The following PCDHGA6 variants were observed in gnomAD, a reference collection of about 807,000 sequenced individuals.
PCDHGA6 encodes protocadherin gamma-A6.
PCDHGA6 carries 41 observed loss-of-function variants against 60.6 expected under a neutral mutation model. That is an observed-to-expected ratio of 0.68 (90% CI 0.53 to 0.88). The LOEUF is 0.88. PCDHGA6 is among the 40% of genes least tolerant of loss of function. The probability of loss-of-function intolerance (pLI) is 0.00; values close to 1 mark genes in which losing one functional copy is unlikely to be tolerated. For missense variants in PCDHGA6, 1,312 were observed against 1,203.0 expected (o/e 1.09, Z -1.34); for synonymous variants, 594 against 524.4 (o/e 1.13, Z -1.81).
Position 141,374,568 on chromosome 5 carries a change from T to C in PCDHGA6, c.485T>C (p.Val162Ala), listed in dbSNP as rs778991888. Reference protein sequence around the residue: ...FPLMEVYDPDVGMNSLQGFKL... With the variant: ...FPLMEVYDPDAGMNSLQGFKL... ...CTAATGGAGGTCTATGACCCTGATG[T>C]GGGAATGAACTCCCTTCAGGGATTT... The change falls in exon 1 of 4, where the codon GTG (valine) becomes GCG (alanine). Residue 162 changes from valine (V) to alanine (A), a missense_variant. Transcript: ENST00000517434. The C allele has an allele frequency of 6.2e-7, 1 of 1,613,706 alleles. No homozygotes were observed. Among genetic ancestry groups the C allele is most frequent in the South Asian group, 1.1e-5 (1 of 91,090 alleles).
intron 1 of PCDHGA6, chr5:141,400,401 G>T (rs760681088): frequency 3.1e-6 from 5 of 1,613,936 alleles, no homozygotes; most frequent in Non-Finnish European, 4.2e-6. Context: ...CAGGAAAGAC[G>T]GAGTTTAATT....
At position 141,490,561 on chromosome 5, in the gene PCDHGA6, A is replaced by C. The variant is rs2099701634; in HGVS notation, c.2425-4246A>C. The stretch of plus-strand genomic sequence containing the variant: ...TTCCCTACACAAACATCTCACCATC[A>C]GGCTCAACATTTCAGATGTCAATGA... On this transcript the variant is annotated intron_variant, in intron 1 of 3. Transcript: ENST00000517434. The surrounding 1 kb of genome is among the most constrained non-coding windows in gnomAD (Gnocchi z 5.4). The C allele has an allele frequency of 1.2e-6, 2 of 1,614,090 alleles. No homozygotes were observed. The highest frequency in any genetic ancestry group is 1.7e-4 in the Middle Eastern group (1 of 6,060).
At chr5:141,403,699 TAA>T in intron 1 of PCDHGA6, 1 of 1,613,934 alleles carries the variant, frequency 6.2e-7, no homozygotes, top group East Asian at 2.2e-5. Context: ...TTTACCGAGT[TAA>T]AGTCCTTGAG....
chr5:141,508,741 C>G (rs2099871426), intron 3 of PCDHGA6, among the ~76,000 whole-genome samples: 1 of 152,042 alleles, frequency 6.6e-6, no homozygotes, highest in Non-Finnish European at 1.5e-5. Context: ...ACCCCCCACC[C>G]CGCTCTTTCT....
intron 1 of PCDHGA6, chr5:141,424,584 C>T (rs919265310): frequency 3.9e-5 from 6 of 152,082 alleles, no homozygotes; most frequent in African/African-American, 1.4e-4. Flanking sequence ...TTCAAATGTG[C>T]TAAAGATGTC....
intron 1 of PCDHGA6, chr5:141,402,800 C>T: frequency 1.9e-6 from 2 of 1,072,726 alleles, no homozygotes; most frequent in African/African-American, 1.6e-5. Flanking sequence ...ACACAAAACC[C>T]GGCAGATACC....
rs754268147 is a variant in PCDHGA6, at chr5:141,410,352, G to C, written c.2424+33845G>C. ...CTGGCCATTGCCTTGCGCCTGCGAC[G>C]CTCTCTCAGCCCTGCTACTTGGGAC... On this transcript the variant is annotated intron_variant, in intron 1 of 3. Coordinates refer to ENST00000517434, the MANE Select transcript of PCDHGA6 (RefSeq NM_018919.3). The C allele has an allele frequency of 6.2e-6, 10 of 1,614,022 alleles. No homozygotes were observed. In the South Asian group the frequency reaches 1.1e-4, roughly 18 times the overall value.
At chr5:141,376,643 A>G (rs1465583488) in intron 1 of PCDHGA6, 136 bp downstream of exon 1, 17 of 1,013,920 alleles carry the variant, frequency 1.7e-5, no homozygotes, top group Non-Finnish European at 2.4e-5. Context: ...GATTTTGTAA[A>G]GTGGAAGACT....
In PCDHGA6 at chr5:141,403,600, T is replaced by C. The variant is rs530169293; in HGVS notation, c.2424+27093T>C. 72 of 1,613,786 alleles carry C rather than the reference T, an allele frequency of 4.5e-5. 1 individual carries two copies. The East Asian group carries it at 1.6e-3, about 35-fold the overall frequency. On this transcript the variant is annotated intron_variant, in intron 1 of 3. Coordinates refer to ENST00000517434, the MANE Select transcript of PCDHGA6 (RefSeq NM_018919.3). ...ACCACCTGGTCCTCACGGCCTCGGATGGCGGCGAGCCGCGTCGCTCCAGCA... is the reference window on the plus strand; with the variant it reads ...ACCACCTGGTCCTCACGGCCTCGGACGGCGGCGAGCCGCGTCGCTCCAGCA...
At chr5:141,395,542 TTGTGTGTGTGTGTGTGTGTGTG>T (rs55729045) in intron 1 of PCDHGA6, 19 of 172,620 alleles carry the variant, frequency 1.1e-4, no homozygotes, top group Admixed American at 1.0e-3. Context: ...TTGCTATTGT[TTGTGTGTGTGTGTGTGTGTGTG>T]TGTGTGTGTG....
intron 1 of PCDHGA6, chr5:141,404,311 T>G (rs746092761): frequency 1.9e-6 from 3 of 1,613,924 alleles, no homozygotes. Flanking sequence ...CTGCTTTCTC[T>G]CAAGCCTCCT....
chr5:141,430,595 G>A (rs549786394), intron 1 of PCDHGA6: 28 of 567,134 alleles, frequency 4.9e-5, no homozygotes, highest in African/African-American at 3.8e-4. Flanking sequence ...CCTTGCACGC[G>A]CCTGAAGCAC....
intron 1 of PCDHGA6, chr5:141,409,520 T>A (rs1177702875): frequency 6.2e-7 from 1 of 1,613,848 alleles, no homozygotes; most frequent in East Asian, 2.2e-5. Flanking sequence ...AAGCATCACC[T>A]TGTATGTCGC....
intron 1 of PCDHGA6, chr5:141,423,611 C>T: frequency 1.1e-5 from 18 of 1,611,094 alleles, no homozygotes; most frequent in Non-Finnish European, 1.5e-5. Flanking sequence ...CTCTTGATAG[C>T]TGAAGACTCA....
chr5:141,448,983 T>G (rs1157371020), intron 1 of PCDHGA6, among the ~76,000 whole-genome samples: 1 of 152,004 alleles, frequency 6.6e-6, no homozygotes, highest in East Asian at 1.9e-4. Flanking sequence ...ACTTCCATAT[T>G]AATATATAGA....
At chr5:141,421,841 AAG>A in intron 1 of PCDHGA6, 1 of 1,613,750 alleles carries the variant, frequency 6.2e-7, no homozygotes. Context: ...GACCGAGAGA[AAG>A]AGGCTGCTCA....
intron 1 of PCDHGA6, chr5:141,405,358 A>G (rs567878422): frequency 6.2e-7 from 1 of 1,613,900 alleles, no homozygotes; most frequent in East Asian, 2.2e-5. Context: ...TTCCTATAGA[A>G]GACACCCCTT....
intron 1 of PCDHGA6, chr5:141,418,973 C>T: frequency 3.1e-6 from 5 of 1,613,916 alleles, no homozygotes; most frequent in Non-Finnish European, 3.4e-6. Context: ...CTTCAAAACA[C>T]GGGACCAAGA....
At chr5:141,509,096 T>C (rs1364889034) in intron 3 of PCDHGA6, among the ~76,000 whole-genome samples, 1 of 152,124 alleles carries the variant, frequency 6.6e-6, no homozygotes, top group African/African-American at 2.4e-5. Context: ...ATGGGGGCTG[T>C]AGAAACCTGA....
Sources: gnomAD v4.1 joint callset for allele counts (sites outside exome capture counted in the v4.1 genomes callset) on GRCh38, gnomAD v4.1.1 for gene constraint, Gnocchi (gnomAD v3.1) non-coding constraint, MANE v1.5 for transcripts, NCBI Gene and HGNC (gene_info 2026-07-23, HGNC 2026-07-21) for gene names.